Variants in BCKDHB observed in about 807,000 individuals in gnomAD.
BCKDHB encodes 2-oxoisovalerate dehydrogenase subunit beta, mitochondrial.
BCKDHB carries 41 observed loss-of-function variants against 48.5 expected under a neutral mutation model. The observed-to-expected ratio is 0.85, with a 90% confidence interval of 0.66 to 1.10. The LOEUF (loss-of-function observed/expected upper bound fraction) is 1.10. Among genes scored for constraint, BCKDHB ranks in the 50% least tolerant of loss-of-function variants. BCKDHB has a pLI of 0.00. For synonymous variants in BCKDHB, 201 were observed against 174.8 expected (o/e 1.15, Z -1.18); for missense variants, 496 against 494.2 (o/e 1.00, Z -0.03).
At chr6:80,394,447 T>TG in the BCKDHB span, among the ~76,000 whole-genome samples, 1 of 152,170 alleles carries the variant, frequency 6.6e-6, no homozygotes, top group Non-Finnish European at 1.5e-5. Flanking sequence ...ATTGTTTTTT[T>TG]TTTGTTTGTT....
At chr6:80,120,250 C>T (rs1769933389) in intron 1 of BCKDHB, among the ~76,000 whole-genome samples, 1 of 152,058 alleles carries the variant, frequency 6.6e-6, no homozygotes, top group Admixed American at 6.5e-5. Context: ...TTTTCTTAAT[C>T]TAGTCTATCA....
At chr6:80,329,144 C>A (rs1769196288) in intron 9 of BCKDHB, among the ~76,000 whole-genome samples, 1 of 152,014 alleles carries the variant, frequency 6.6e-6, no homozygotes, top group Non-Finnish European at 1.5e-5. Flanking sequence ...AGAAAGGATT[C>A]CAATTACTTA....
chr6:80,226,744 C>G (rs1362202477), intron 8 of BCKDHB, among the ~76,000 whole-genome samples: 1 of 152,134 alleles, frequency 6.6e-6, no homozygotes, highest in Admixed American at 6.5e-5. Context: ...CTGCAGCAGG[C>G]GCCTGCCTTC....
chr6:80,116,079 C>T (rs1769688140), intron 1 of BCKDHB, among the ~76,000 whole-genome samples: 1 of 152,202 alleles, frequency 6.6e-6, no homozygotes, highest in Admixed American at 6.5e-5. Flanking sequence ...AGCTATAAAT[C>T]CACTCACTGA....
chr6:80,427,795 G>T, the BCKDHB span, among the ~76,000 whole-genome samples: 15 of 151,956 alleles, frequency 9.9e-5, no homozygotes, highest in African/African-American at 3.6e-4. Context: ...TGTTCTGCTT[G>T]CCTACTTCTT....
chr6:80,333,389 G>A (rs777231809), intron 9 of BCKDHB, among the ~76,000 whole-genome samples: 1 of 152,178 alleles, frequency 6.6e-6, no homozygotes, highest in Admixed American at 6.6e-5. Flanking sequence ...AATAATATCT[G>A]TGTGGTTACT....
At chr6:80,402,776 T>C in the BCKDHB span, among the ~76,000 whole-genome samples, 1 of 151,860 alleles carries the variant, frequency 6.6e-6, no homozygotes. Flanking sequence ...GAGTTGACTT[T>C]TGTGTATGGT....
chr6:80,130,209 TG>T (rs1770559943), intron 3 of BCKDHB, among the ~76,000 whole-genome samples: 1 of 152,230 alleles, frequency 6.6e-6, no homozygotes, highest in Admixed American at 6.5e-5. Flanking sequence ...TTTTATTTTT[TG>T]TCTTAGTCTT....
downstream of BCKDHB, among the ~76,000 whole-genome samples, chr6:80,347,159 A>T (rs1203409432): frequency 6.6e-6 from 1 of 152,228 alleles, no homozygotes; most frequent in Non-Finnish European, 1.5e-5. Context: ...GGCAAAGTAA[A>T]GGCACTTGAT....
Position 80,229,986 on chromosome 6 carries a change from A to G in BCKDHB, c.951+26774A>G, listed in dbSNP as rs16891552. Among the ~76,000 whole-genome samples the G allele has an allele frequency of 1.8e-3, 266 of 148,412 alleles. 5 individuals carry two copies. In the East Asian group the frequency reaches 0.051, roughly 28 times the overall value. On this transcript the variant is annotated intron_variant, in intron 8 of 9. Coordinates refer to ENST00000320393, the MANE Select transcript of BCKDHB (RefSeq NM_183050.4). ...TAAACAGTAGCACATAACACCATTT[A>G]ATACAACCCCAATTTGAATTCCAAA... is the stretch of plus-strand genomic sequence containing the variant.
chr6:80,347,749 A>G (rs1346093916), downstream of BCKDHB, among the ~76,000 whole-genome samples: 1 of 152,186 alleles, frequency 6.6e-6, no homozygotes, highest in Admixed American at 6.5e-5. Flanking sequence ...CCCACAAGTA[A>G]ACACTCCCTT....
At chr6:80,288,747 G>A (rs1766756210) in intron 9 of BCKDHB, among the ~76,000 whole-genome samples, 1 of 151,800 alleles carries the variant, frequency 6.6e-6, no homozygotes, top group Admixed American at 6.6e-5. Context: ...AGTCATATAT[G>A]TATATATAAA....
At chr6:80,323,359 C>T (rs1405079126) in intron 9 of BCKDHB, among the ~76,000 whole-genome samples, 1 of 151,904 alleles carries the variant, frequency 6.6e-6, no homozygotes, top group African/African-American at 2.4e-5. Flanking sequence ...TTTTAATTAT[C>T]AATTTTGTTT....
chr6:80,132,626 G>T (rs1770686580), intron 3 of BCKDHB, among the ~76,000 whole-genome samples: 1 of 152,168 alleles, frequency 6.6e-6, no homozygotes, highest in African/African-American at 2.4e-5. Context: ...ATGGCAGGAG[G>T]CTGAGCTAAC....
the BCKDHB span, among the ~76,000 whole-genome samples, chr6:80,414,928 C>A: frequency 6.6e-6 from 1 of 151,956 alleles, no homozygotes; most frequent in East Asian, 1.9e-4. Flanking sequence ...TTCCTGATTT[C>A]TTTGAACAAT....
chr6:80,142,999 A>G (rs1440408154), intron 3 of BCKDHB, among the ~76,000 whole-genome samples: 1 of 152,180 alleles, frequency 6.6e-6, no homozygotes, highest in Non-Finnish European at 1.5e-5. Flanking sequence ...AAGAGTATCA[A>G]TAAATACAGA....
At chr6:80,270,541 TC>T (rs1215745267) in intron 8 of BCKDHB, among the ~76,000 whole-genome samples, 2 of 152,166 alleles carry the variant, frequency 1.3e-5, no homozygotes, top group African/African-American at 4.8e-5. Context: ...ATTGTATTTT[TC>T]CTCTAGTTCT....
chr6:80,113,261 C>T (rs1418539300), intron 1 of BCKDHB, among the ~76,000 whole-genome samples: 2 of 152,212 alleles, frequency 1.3e-5, no homozygotes, highest in East Asian at 3.9e-4. Context: ...CTCTCCTTCC[C>T]CCTCCTGGTA....
intron 8 of BCKDHB, among the ~76,000 whole-genome samples, chr6:80,235,305 C>CA (rs1318505694): frequency 6.6e-6 from 1 of 152,106 alleles, no homozygotes; most frequent in African/African-American, 2.4e-5. Flanking sequence ...CAATAAAAAA[C>CA]AAACAAAAAT....
Sources: gnomAD v4.1 joint callset for allele counts (sites outside exome capture counted in the v4.1 genomes callset) on GRCh38, gnomAD v4.1.1 for gene constraint, MANE v1.5 for transcripts, NCBI Gene and HGNC (gene_info 2026-07-23, HGNC 2026-07-21) for gene names.